Variants in HECW1 observed in about 807,000 individuals in gnomAD.
HECW1 encodes E3 ubiquitin-protein ligase HECW1.
A neutral mutation model predicts 182.3 loss-of-function variants in HECW1; 61 were observed. The ratio of observed to expected loss-of-function variants is 0.33; its 90% CI spans 0.27 to 0.41. The LOEUF (loss-of-function observed/expected upper bound fraction) is 0.41, where lower values mean the gene tolerates loss of function less well. Among genes scored for constraint, HECW1 ranks in the 10% least tolerant of loss-of-function variants. HECW1 has a pLI of 1.00. For missense variants in HECW1, 1,739 were observed against 2,108.9 expected (o/e 0.82, Z 3.44); for synonymous variants, 859 against 832.6 (o/e 1.03, Z -0.55).
At chr7:43,387,422 A>T (rs2074844551) in intron 6 of HECW1, among the ~76,000 whole-genome samples, 1 of 152,172 alleles carries the variant, frequency 6.6e-6, no homozygotes, top group South Asian at 2.1e-4. Flanking sequence ...TAAGTTTTAA[A>T]TACTTTTTAC....
chr7:43,492,318 A>G (rs1455728233), intron 18 of HECW1, 138 bp downstream of exon 18: 5 of 633,716 alleles, frequency 7.9e-6, no homozygotes, highest in Non-Finnish European at 1.4e-5. Context: ...CTTTTAGGAT[A>G]TAGTGCACAC....
chr7:43,367,791 T>C (rs1206622175), intron 6 of HECW1, among the ~76,000 whole-genome samples: 4 of 152,230 alleles, frequency 2.6e-5, no homozygotes, highest in Admixed American at 1.3e-4. Context: ...CCAAGGGTGA[T>C]ATAAGTTGAT....
intron 2 of HECW1, among the ~76,000 whole-genome samples, chr7:43,202,127 A>T (rs1225490232): frequency 5.9e-5 from 9 of 152,230 alleles, no homozygotes; most frequent in African/African-American, 1.9e-4. Context: ...ATACAAGTAG[A>T]TGTGAAAGCC....
intron 3 of HECW1, among the ~76,000 whole-genome samples, chr7:43,259,395 A>G (rs1182011363): frequency 6.6e-6 from 1 of 152,148 alleles, no homozygotes; most frequent in Non-Finnish European, 1.5e-5. Context: ...TCCAAAAAAA[A>G]AAACCGTTCA....
intron 18 of HECW1, among the ~76,000 whole-genome samples, chr7:43,492,669 C>T (rs2078975910): frequency 6.6e-6 from 1 of 152,190 alleles, no homozygotes; most frequent in Admixed American, 6.5e-5. Flanking sequence ...TCCATTATCA[C>T]TACTGGGAAA....
intron 12 of HECW1, among the ~76,000 whole-genome samples, 162 bp downstream of exon 12, chr7:43,451,091 G>T (rs1032548656): frequency 6.6e-6 from 1 of 152,098 alleles, no homozygotes; most frequent in Non-Finnish European, 1.5e-5. Flanking sequence ...GTGGTTTTTT[G>T]GGGGTTTTTA....
intron 3 of HECW1, among the ~76,000 whole-genome samples, chr7:43,264,044 T>C (rs1801473520): frequency 6.6e-6 from 1 of 152,236 alleles, no homozygotes; most frequent in East Asian, 1.9e-4. Flanking sequence ...GTGGAATGAT[T>C]CAGACAAGCT....
At chr7:43,429,491 C>T (rs1026686867) in intron 8 of HECW1, among the ~76,000 whole-genome samples, 7 of 151,748 alleles carry the variant, frequency 4.6e-5, no homozygotes, top group Admixed American at 1.3e-4. Flanking sequence ...TAATGTAAAA[C>T]GCTGTTACAT....
chr7:43,504,567 G>C (rs1305894658), intron 21 of HECW1, among the ~76,000 whole-genome samples: 1 of 152,140 alleles, frequency 6.6e-6, no homozygotes, highest in African/African-American at 2.4e-5. Context: ...CTTCCTGTCT[G>C]CTTCCCCCAC....
chr7:43,283,687 G>A (rs1347559691), intron 3 of HECW1, among the ~76,000 whole-genome samples: 2 of 152,124 alleles, frequency 1.3e-5, no homozygotes, highest in Admixed American at 6.5e-5. Context: ...CAGATATATC[G>A]ATGTAAGAGT....
At chr7:43,127,340 A>G (rs1786360779) in intron 2 of HECW1, among the ~76,000 whole-genome samples, 1 of 152,036 alleles carries the variant, frequency 6.6e-6, no homozygotes. Context: ...CCTGACCAAC[A>G]AGGAGAAACC....
intron 2 of HECW1, among the ~76,000 whole-genome samples, chr7:43,207,478 T>C (rs1200805061): frequency 6.6e-6 from 1 of 152,234 alleles, no homozygotes; most frequent in Non-Finnish European, 1.5e-5. Flanking sequence ...TTGGAAATAT[T>C]CAATACCCTC....
chr7:43,275,579 G>A (rs1018570187), intron 3 of HECW1, among the ~76,000 whole-genome samples: 10 of 152,162 alleles, frequency 6.6e-5, no homozygotes, highest in African/African-American at 2.4e-4. Flanking sequence ...GGGTGAGGGA[G>A]AGTAATGTAG....
At chr7:43,312,114 T>G in intron 4 of HECW1, 27 bp downstream of exon 4, 3 of 1,572,758 alleles carry the variant, frequency 1.9e-6, no homozygotes, top group Non-Finnish European at 2.6e-6. Context: ...AAGTGTATTA[T>G]TCATAATTCA....
chr7:43,542,020 G>T (rs766304090), intron 26 of HECW1, 22 bp downstream of exon 26: 30 of 1,465,570 alleles, frequency 2.0e-5, no homozygotes. Context: ...ATGGGGTTTG[G>T]AAAAGGGATT....
intron 9 of HECW1, 136 bp downstream of exon 9, chr7:43,438,281 C>T (rs919779964): frequency 1.4e-6 from 1 of 710,170 alleles, no homozygotes; most frequent in Non-Finnish European, 2.2e-6. Flanking sequence ...GTTTTTCCTA[C>T]TAATTATGTT....
At chr7:43,179,284 T>C (rs1792562456) in intron 2 of HECW1, among the ~76,000 whole-genome samples, 1 of 152,228 alleles carries the variant, frequency 6.6e-6, no homozygotes, top group African/African-American at 2.4e-5. Context: ...AAGGTGAAGC[T>C]GAAGTCTACA....
intron 2 of HECW1, among the ~76,000 whole-genome samples, chr7:43,237,047 A>G (rs1196275742): frequency 6.6e-6 from 1 of 151,774 alleles, no homozygotes; most frequent in African/African-American, 2.4e-5. Context: ...CTATAAAGGT[A>G]AAGTGAAAAC....
chr7:43,552,730 A>G (rs1214600232), intron 28 of HECW1, among the ~76,000 whole-genome samples: 3 of 152,186 alleles, frequency 2.0e-5, no homozygotes, highest in Non-Finnish European at 4.4e-5. Context: ...TCCATGTTGT[A>G]TGTAGCATGT....
Sources: gnomAD v4.1 joint callset for allele counts (sites outside exome capture counted in the v4.1 genomes callset) on GRCh38, gnomAD v4.1.1 for gene constraint, MANE v1.5 for transcripts, NCBI Gene and HGNC (gene_info 2026-07-23, HGNC 2026-07-21) for gene names.